Variants in DNAJC13 observed in about 807,000 individuals in gnomAD.
DNAJC13 encodes DnaJ heat shock protein family (Hsp40) member C13.
Under a neutral mutation model 290.5 loss-of-function variants are expected in DNAJC13, and 75 were observed. The observed-to-expected ratio is 0.26, with a 90% CI of 0.21 to 0.31. The LOEUF is 0.31. Among genes scored for constraint, DNAJC13 ranks in the 10% least tolerant of loss-of-function variants. DNAJC13 has a pLI of 1.00. For synonymous variants in DNAJC13, 862 were observed against 892.0 expected, an observed-to-expected ratio of 0.97 and a Z score of 0.60; for missense variants, 2,260 against 2,674.5, an observed-to-expected ratio of 0.85 and a Z score of 3.42.
intron 20 of DNAJC13, chr3:132,472,544 C>T (rs1576482065): frequency 2.0e-6 from 2 of 984,994 alleles, no homozygotes; most frequent in East Asian, 1.1e-4. Context: ...TTCCTTTTTA[C>T]GATTAAATTC....
At chr3:132,490,778 G>A in intron 31 of DNAJC13, 119 bp from the exon 32 acceptor site, 3 of 1,056,714 alleles carry the variant, frequency 2.8e-6, no homozygotes, top group Non-Finnish European at 3.9e-6. Flanking sequence ...AAGCATAAAA[G>A]CAATTTGTTC....
chr3:132,499,771 T>C lies in DNAJC13; in HGVS notation c.4379T>C (p.Leu1460Ser). 1 of 1,614,182 alleles carries C rather than the reference T, an allele frequency of 6.2e-7. No individual in the cohort carries two copies. Among genetic ancestry groups the C allele is most frequent in the South Asian group, 1.1e-5 (1 of 91,088 alleles). ...GCATTTAGTCGCTGTGTGGCTGTCTTGACTCGTGCTAGTAAACCAAGTGAC... is the reference window on the plus strand; with the variant it reads ...GCATTTAGTCGCTGTGTGGCTGTCTCGACTCGTGCTAGTAAACCAAGTGAC... ...QEAFSRCVAV[L>S]TRASKPSDMS... The change falls in exon 38 of 56, where the codon TTG (leucine) becomes TCG (serine). Residue 1460 changes from leucine (L) to serine (S), a missense_variant. Coordinates refer to ENST00000260818, the MANE Select transcript of DNAJC13 (RefSeq NM_015268.4).
At chr3:132,501,969 G>A (rs1014726459) in intron 39 of DNAJC13, among the ~76,000 whole-genome samples, 4 of 152,132 alleles carry the variant, frequency 2.6e-5, no homozygotes, top group Admixed American at 1.3e-4. Flanking sequence ...GATCACTAGC[G>A]TGTAAGTTGC....
At chr3:132,462,630 C>G (rs1430988575) in intron 16 of DNAJC13, 107 bp downstream of exon 16, 1 of 741,072 alleles carries the variant, frequency 1.3e-6, no homozygotes, top group African/African-American at 1.8e-5. Flanking sequence ...AAACATTTCT[C>G]TGGGTAAGAA....
At chr3:132,442,239 C>A (rs531742232) in intron 2 of DNAJC13, among the ~76,000 whole-genome samples, 4 of 152,078 alleles carry the variant, frequency 2.6e-5, no homozygotes, top group African/African-American at 9.6e-5. Flanking sequence ...TCAAGTGATC[C>A]TCCCGCCTCG....
Position 132,447,539 on chromosome 3 carries a change from A to G in DNAJC13, c.294+69A>G, listed in dbSNP as rs1041660066. 23 of 1,389,126 alleles carry G rather than the reference A, an allele frequency of 1.7e-5. No individual in the cohort carries two copies. The Middle Eastern group carries it at 6.4e-4, about 39-fold the overall frequency. 86.1% of individuals were successfully genotyped at this position (1,389,126 alleles called of 1,614,324 possible). A position where few individuals can be genotyped will look rare whatever the true frequency, so the allele number is the denominator to read the frequency against. ...TTTTAAAATGAAGTAGTTACATAGA[A>G]GTAGAGAAATTAATGTTCTCTGCCC... On this transcript the variant is annotated intron_variant, in intron 4 of 55. Transcript: ENST00000260818.
chr3:132,509,010 G>A (rs2133694), intron 43 of DNAJC13, among the ~76,000 whole-genome samples: 91,972 of 152,148 alleles, frequency 0.6, 30,199 homozygotes, highest in East Asian at 0.9. Flanking sequence ...TGCTAATACA[G>A]CATCCATTTT....
chr3:132,434,471 A>G lies in DNAJC13; in HGVS notation c.-13-67A>G, dbSNP rs1039170978. The G allele has an allele frequency of 7.9e-5, 89 of 1,127,512 alleles. No individual in the cohort carries two copies. The Middle Eastern group carries it at 1.2e-3, about 16-fold the overall frequency. The allele number at this position is 1,127,512 out of a possible 1,614,324, so 69.8% of individuals were successfully genotyped here. A position where few individuals can be genotyped will look rare whatever the true frequency, so the allele number is the denominator to read the frequency against. On this transcript the variant is annotated intron_variant, in intron 1 of 55. Transcript: ENST00000260818. ...AGAGAGCGATCTTGCTACCTTTCTT[A>G]GGGGAATCTTGGAAAGATTAAAGAT...
intron 26 of DNAJC13, among the ~76,000 whole-genome samples, chr3:132,480,679 C>T (rs1934638624): frequency 6.6e-6 from 1 of 152,112 alleles, no homozygotes. Context: ...TTTATTTTGT[C>T]AATTAAAGTA....
At position 132,492,588 on chromosome 3, in the gene DNAJC13, G is replaced by A. The variant is rs368040788; in HGVS notation, c.3798G>A (p.Arg1266=). Residue 1266 remains arginine, a synonymous_variant, in exon 33 of 56, where the codon CGG becomes CGA. Coordinates refer to ENST00000260818, the MANE Select transcript of DNAJC13 (RefSeq NM_015268.4). ...YYLKQLCDTL[R]FPDWPIKDPV... ...TCAAACAACTGTGTGATACACTCCG[G>A]TTTCCAGATTGGCCAATTAAAGACC... 3.0e-5 allele frequency: 48 copies of A among 1,613,484 alleles called. No homozygotes were observed. In the African/African-American group the frequency reaches 4.7e-4, roughly 16 times the overall value.
rs761065005 is a variant in DNAJC13, at chr3:132,467,291, G to A, written c.2186G>A (p.Arg729Lys). ...VDLVLMHWRDRMGIAQKENIN... is the reference protein window; with the variant it reads ...VDLVLMHWRDKMGIAQKENIN... ...CTTGTATTGATGCACTGGAGGGATA[G>A]GATGGGCATTGCTCAAAAAGAGGTA... Residue 729 changes from arginine (R) to lysine (K), a missense_variant, in exon 20 of 56, where the codon AGG becomes AAG. Arg to Lys is a conservative substitution (Grantham distance 26, BLOSUM62 2). Coordinates refer to ENST00000260818, the MANE Select transcript of DNAJC13 (RefSeq NM_015268.4). The A allele has an allele frequency of 6.2e-7, 1 of 1,613,208 alleles. No individual in the cohort carries two copies. The highest frequency in any genetic ancestry group is 1.3e-5 in the African/African-American group (1 of 74,860).
chr3:132,532,912 A>AATAATTATT (rs1553753686), intron 55 of DNAJC13, among the ~76,000 whole-genome samples: 1 of 141,828 alleles, frequency 7.1e-6, no homozygotes, highest in Non-Finnish European at 1.5e-5. Flanking sequence ...TAATTTTTGT[A>AATAATTATT]ATTATTATTA....
intron 48 of DNAJC13, among the ~76,000 whole-genome samples, 168 bp downstream of exon 48, chr3:132,516,984 T>A (rs188784203): frequency 2.6e-5 from 4 of 152,344 alleles, no homozygotes; most frequent in African/African-American, 9.6e-5. Context: ...TATTACTGTT[T>A]GAGAAAACTA....
chr3:132,474,684 A>G (rs1337583407), intron 21 of DNAJC13, among the ~76,000 whole-genome samples: 2 of 152,044 alleles, frequency 1.3e-5, no homozygotes, highest in Non-Finnish European at 2.9e-5. Flanking sequence ...AAAACTTTCA[A>G]ACATACAAAA....
chr3:132,494,365 C>A, intron 34 of DNAJC13, 106 bp downstream of exon 34: 1 of 869,070 alleles, frequency 1.2e-6, no homozygotes, highest in Non-Finnish European at 1.9e-6. Flanking sequence ...TTTGCCTATA[C>A]TTTGATATAT....
chr3:132,531,265 A>G (rs1453609164), intron 55 of DNAJC13, among the ~76,000 whole-genome samples, 168 bp downstream of exon 55: 1 of 152,224 alleles, frequency 6.6e-6, no homozygotes, highest in African/African-American at 2.4e-5. Flanking sequence ...TTAGCTTTAT[A>G]TAGCATGCAA....
At chr3:132,466,706 T>G in intron 19 of DNAJC13, among the ~76,000 whole-genome samples, 1 of 152,186 alleles carries the variant, frequency 6.6e-6, no homozygotes, top group Non-Finnish European at 1.5e-5. Flanking sequence ...CGTTCTGGAG[T>G]ACCAGTAAGT....
At chr3:132,468,689 G>T (rs1934083952) in intron 20 of DNAJC13, among the ~76,000 whole-genome samples, 2 of 151,816 alleles carry the variant, frequency 1.3e-5, no homozygotes, top group African/African-American at 4.8e-5. Flanking sequence ...GGGTTTTTTT[G>T]ATATACAAGC....
At chr3:132,507,435 G>C (rs1427477219) in intron 43 of DNAJC13, 82 bp downstream of exon 43, 2 of 802,998 alleles carry the variant, frequency 2.5e-6, no homozygotes, top group East Asian at 2.5e-5. Flanking sequence ...ACTTTATAGA[G>C]GCACACTTCA....
Sources: allele counts gnomAD v4.1 joint callset (sites outside exome capture counted in the v4.1 genomes callset), GRCh38; gene constraint gnomAD v4.1.1; transcripts MANE v1.5; gene names NCBI Gene and HGNC (gene_info 2026-07-23, HGNC 2026-07-21).